CLEC9A: variants seen among roughly 807,000 people sequenced by gnomAD.
The protein encoded by CLEC9A is C-type lectin domain family 9 member A.
Under a neutral mutation model 30.0 loss-of-function variants are expected in CLEC9A, and 24 were observed. That is an observed-to-expected ratio of 0.80 (90% CI 0.58 to 1.13). CLEC9A has a LOEUF of 1.13. Ranked by LOEUF, CLEC9A falls within the 50% of genes most tolerant of loss-of-function variation. The probability of loss-of-function intolerance (pLI) is 0.00; values close to 1 mark genes in which losing one functional copy is unlikely to be tolerated. For synonymous variants in CLEC9A, 111 were observed against 96.8 expected, an observed-to-expected ratio of 1.15 and a Z score of -0.86; for missense variants, 251 against 280.9, an observed-to-expected ratio of 0.89 and a Z score of 0.76.
intron 1 of CLEC9A, among the ~76,000 whole-genome samples, chr12:10,033,274 C>T (rs1865716007): frequency 6.6e-6 from 1 of 151,704 alleles, no homozygotes; most frequent in African/African-American, 2.4e-5. Flanking sequence ...TCTTGGTCCT[C>T]TTGTTTTTTT....
intron 1 of CLEC9A, among the ~76,000 whole-genome samples, chr12:10,034,895 G>C (rs1865730868): frequency 6.6e-6 from 1 of 152,224 alleles, no homozygotes; most frequent in Admixed American, 6.5e-5. Flanking sequence ...CTACCTTATA[G>C]CAAGGACAGA....
intron 1 of CLEC9A, among the ~76,000 whole-genome samples, chr12:10,041,251 A>G (rs1451210527): frequency 6.6e-6 from 1 of 152,122 alleles, no homozygotes; most frequent in African/African-American, 2.4e-5. Context: ...GTCAAAAACA[A>G]CAACAACAAA....
chr12:10,031,402 C>T (rs1484080152), intron 1 of CLEC9A, among the ~76,000 whole-genome samples: 1 of 152,196 alleles, frequency 6.6e-6, no homozygotes, highest in Non-Finnish European at 1.5e-5. Context: ...GAGTCAAACA[C>T]GAAATCTCCA....
intron 5 of CLEC9A, 36 bp downstream of exon 5, chr12:10,054,387 C>T (rs775765934): frequency 7.0e-5 from 93 of 1,337,462 alleles, no homozygotes; most frequent in African/African-American, 3.6e-4. Flanking sequence ...ATATGTATAT[C>T]GTTATATATA....
intron 1 of CLEC9A, among the ~76,000 whole-genome samples, chr12:10,037,086 T>A (rs1204310955): frequency 6.6e-6 from 1 of 152,104 alleles, no homozygotes. Flanking sequence ...AAAACAAATG[T>A]GAACTATACC....
Position 10,041,564 on chromosome 12 carries a change from C to T in CLEC9A, c.-219C>T. On this transcript the variant is annotated 5_prime_UTR_variant, in exon 2 of 9. It introduces an in-frame stop codon into an upstream open reading frame of the 5' UTR. Coordinates refer to ENST00000355819, the MANE Select transcript of CLEC9A (RefSeq NM_207345.4). ...CAACTTGACATGGAAAGAGAGTGAGCAGTACTGCACTGACATGAAGGCTAC... is the reference window on the plus strand; with the variant it reads ...CAACTTGACATGGAAAGAGAGTGAGTAGTACTGCACTGACATGAAGGCTAC... 1 of 506,676 alleles carries T rather than the reference C, an allele frequency of 2.0e-6. No homozygotes were observed. The highest frequency in any genetic ancestry group is 5.5e-5 in the East Asian group (1 of 18,240). The allele number at this position is 506,676 out of a possible 1,614,324, so 31.4% of individuals were successfully genotyped here. A position where few individuals can be genotyped will look rare whatever the true frequency, so the allele number is the denominator to read the frequency against.
intron 5 of CLEC9A, among the ~76,000 whole-genome samples, chr12:10,060,161 A>G (rs1172482998): frequency 6.6e-6 from 1 of 152,216 alleles, no homozygotes; most frequent in Non-Finnish European, 1.5e-5. Context: ...TTAAAAATCT[A>G]AACTTCACAC....
chr12:10,056,182 A>G (rs1281859761), intron 5 of CLEC9A, among the ~76,000 whole-genome samples: 1 of 151,874 alleles, frequency 6.6e-6, no homozygotes, highest in Admixed American at 6.6e-5. Flanking sequence ...TATGAAACCT[A>G]TAAATCATGT....
chr12:10,052,807 A>G, intron 4 of CLEC9A, 29 bp downstream of exon 4: 1 of 1,595,300 alleles, frequency 6.3e-7, no homozygotes, highest in Non-Finnish European at 8.5e-7. Context: ...TTTGTGTGAG[A>G]CTTTAGAGTT....
intron 2 of CLEC9A, among the ~76,000 whole-genome samples, chr12:10,045,068 C>T (rs1475250678): frequency 6.6e-6 from 1 of 152,166 alleles, no homozygotes; most frequent in Non-Finnish European, 1.5e-5. Context: ...GAACCTATTC[C>T]CATCCATTGC....
chr12:10,039,857 T>C (rs1349399574), intron 1 of CLEC9A, among the ~76,000 whole-genome samples: 2 of 22,706 alleles, frequency 8.8e-5, no homozygotes, highest in African/African-American at 2.9e-4. Context: ...AGTTCCGCTC[T>C]TTCACCCAGG....
At chr12:10,044,939 G>A (rs754958525) in intron 2 of CLEC9A, among the ~76,000 whole-genome samples, 7 of 152,146 alleles carry the variant, frequency 4.6e-5, no homozygotes, top group Non-Finnish European at 8.8e-5. Context: ...CGTGATAAAC[G>A]GTCTAGAAGA....
chr12:10,048,640 C>T (rs1445756800), intron 2 of CLEC9A, among the ~76,000 whole-genome samples: 1 of 152,194 alleles, frequency 6.6e-6, no homozygotes, highest in Non-Finnish European at 1.5e-5. Context: ...TTTGCTCATC[C>T]ATAGGAAGCA....
chr12:10,055,543 A>G (rs535469557), intron 5 of CLEC9A, among the ~76,000 whole-genome samples: 2 of 152,322 alleles, frequency 1.3e-5, no homozygotes, highest in African/African-American at 4.8e-5. Context: ...TACAAATGAT[A>G]ATGATTTGGG....
chr12:10,061,363 C>T, intron 6 of CLEC9A, 90 bp downstream of exon 6: 3 of 1,306,606 alleles, frequency 2.3e-6, no homozygotes, highest in South Asian at 3.1e-5. Flanking sequence ...TTGTTCTCTG[C>T]AAAACTGTTA....
intron 3 of CLEC9A, 144 bp from the exon 4 acceptor site, chr12:10,052,486 T>C: frequency 8.8e-6 from 11 of 1,251,556 alleles, no homozygotes; most frequent in South Asian, 3.0e-5. Context: ...TTTCACCAAG[T>C]TGTGTTTTGG....
chr12:10,048,149 C>T (rs1192425534), intron 2 of CLEC9A, among the ~76,000 whole-genome samples: 3 of 150,116 alleles, frequency 2.0e-5, no homozygotes, highest in Non-Finnish European at 3.0e-5. Flanking sequence ...AGGAGAATGG[C>T]GTGAACCCGG....
chr12:10,032,806 A>G (rs1865711973), intron 1 of CLEC9A, among the ~76,000 whole-genome samples: 1 of 152,100 alleles, frequency 6.6e-6, no homozygotes, highest in African/African-American at 2.4e-5. Context: ...AATATCTCCT[A>G]TGTTAAAAAC....
chr12:10,032,280 C>T (rs2137292760), intron 1 of CLEC9A, among the ~76,000 whole-genome samples: 1 of 152,236 alleles, frequency 6.6e-6, no homozygotes, highest in East Asian at 1.9e-4. Flanking sequence ...ACGCCACAGC[C>T]ACACAGGTTT....
Sources: gnomAD v4.1 joint callset for allele counts (sites outside exome capture counted in the v4.1 genomes callset) on GRCh38, gnomAD v4.1.1 for gene constraint, MANE v1.5 for transcripts, NCBI Gene and HGNC (gene_info 2026-07-23, HGNC 2026-07-21) for gene names.